LRBA: variants seen among roughly 807,000 people sequenced by gnomAD.
LRBA encodes lipopolysaccharide-responsive and beige-like anchor protein.
A neutral mutation model predicts 330.0 loss-of-function variants in LRBA; 176 were observed. That is an observed-to-expected ratio of 0.53 (90% CI 0.47 to 0.60). The LOEUF (loss-of-function observed/expected upper bound fraction) is 0.60, where lower values mean the gene tolerates loss of function less well. LRBA is among the 20% of genes least tolerant of loss of function. The pLI is 0.00. For missense variants in LRBA, 3,259 were observed against 3,444.8 expected (o/e 0.95, Z 1.35); for synonymous variants, 1,230 against 1,193.0 (o/e 1.03, Z -0.64).
In LRBA at chr4:150,868,237, T is replaced by C; in HGVS notation, c.2518A>G (p.Arg840Gly). The C allele has an allele frequency of 6.2e-7, 1 of 1,612,870 alleles. No individual in the cohort carries two copies. Among genetic ancestry groups the C allele is most frequent in the Non-Finnish European group, 8.5e-7 (1 of 1,179,006 alleles). Residue 840 changes from arginine to glycine, a missense_variant, in exon 21 of 57, where the codon AGA becomes GGA. By Grantham distance (125) the Arg-to-Gly change is moderately radical. Coordinates refer to ENST00000651943, the MANE Select transcript of LRBA (RefSeq NM_001364905.1). ...TTAATCATGTCAGAAAGAAAGGCTC[T>C]GCGAACCTCCATGCTCTCTGGGCAC... ...PQCPESMEVR[R>G]AFLSDMIKLF...
intron 37 of LRBA, among the ~76,000 whole-genome samples, chr4:150,626,077 T>C (rs1216144535): frequency 1.3e-5 from 2 of 152,052 alleles, no homozygotes; most frequent in African/African-American, 4.8e-5. Flanking sequence ...TCAAACGAAC[T>C]GGCCTGGATG....
chr4:150,705,341 T>C (rs753130620), intron 36 of LRBA, among the ~76,000 whole-genome samples: 47 of 152,086 alleles, frequency 3.1e-4, no homozygotes, highest in Non-Finnish European at 2.9e-4. Flanking sequence ...GGCAGATTTT[T>C]GAAAATGTGA....
At chr4:150,396,947 T>C (rs1442929216) in intron 47 of LRBA, among the ~76,000 whole-genome samples, 1 of 152,180 alleles carries the variant, frequency 6.6e-6, no homozygotes, top group Non-Finnish European at 1.5e-5. Flanking sequence ...GTTCCCACTT[T>C]CAAAACACAA....
intron 40 of LRBA, among the ~76,000 whole-genome samples, chr4:150,546,789 C>G (rs1448308114): frequency 6.6e-6 from 1 of 152,116 alleles, no homozygotes; most frequent in Non-Finnish European, 1.5e-5. Flanking sequence ...TTAACTACCC[C>G]AAAGGTGATA....
At chr4:151,014,399 T>C in intron 2 of LRBA, 28 bp downstream of exon 2, 1 of 1,567,194 alleles carries the variant, frequency 6.4e-7, no homozygotes, top group Non-Finnish European at 8.8e-7. Context: ...GAAAAGAGTA[T>C]ATGCTTATAA....
intron 22 of LRBA, among the ~76,000 whole-genome samples, chr4:150,863,034 A>G (rs1461889594): frequency 6.6e-6 from 1 of 152,040 alleles, no homozygotes; most frequent in Non-Finnish European, 1.5e-5. Flanking sequence ...TGTGTGGCTC[A>G]TGCTTATAAT....
rs114112519 is a variant in LRBA, at chr4:150,781,423, T to A, written c.5580+16658A>T. On this transcript the variant is annotated intron_variant, in intron 34 of 56. Coordinates refer to ENST00000651943, the MANE Select transcript of LRBA (RefSeq NM_001364905.1). Reference sequence around the variant, plus strand: ...TCTGATGAGATTCTAATGCCGCTGCTGATCTGACAGGAGGCGGAGCTCAGG... The same window carrying A: ...TCTGATGAGATTCTAATGCCGCTGCAGATCTGACAGGAGGCGGAGCTCAGG... Among the ~76,000 whole-genome samples, 698 of 152,300 alleles carry A rather than the reference T, an allele frequency of 4.6e-3. 6 individuals carry two copies. The highest frequency in any genetic ancestry group is 0.016 in the African/African-American group (667 of 41,582).
Position 150,633,880 on chromosome 4 carries a change from C to T in LRBA, c.5922-34749G>A, listed in dbSNP as rs556115216. Among the ~76,000 whole-genome samples, 259 of 152,224 alleles carry T rather than the reference C, an allele frequency of 1.7e-3. 1 individual carries two copies. Among genetic ancestry groups the T allele is most frequent in the African/African-American group, 5.3e-3 (220 of 41,548 alleles). The stretch of plus-strand genomic sequence containing the variant: ...CTGTAATCCCAGCACTTTGGGAGGC[C>T]GAGGTGGGTGGATCACCTGAGGTCA... On this transcript the variant is annotated intron_variant, in intron 37 of 56. Coordinates refer to ENST00000651943, the MANE Select transcript of LRBA (RefSeq NM_001364905.1).
At position 150,851,992 on chromosome 4, in the gene LRBA, T is replaced by C; in HGVS notation, c.3718A>G (p.Lys1240Glu). 1 of 1,614,134 alleles carries C rather than the reference T, an allele frequency of 6.2e-7. No individual in the cohort carries two copies. Among genetic ancestry groups the C allele is most frequent in the Non-Finnish European group, 8.5e-7 (1 of 1,180,004 alleles). ...TTGGAAACATCCAACTTCGCAATCT[T>C]TTGCTCAGAAGAAGCCTCAGAGACA... ...GSVSEASSEQ[K>E]IAKLDVSNVA... The change falls in exon 23 of 57, where the codon AAG becomes GAG. Residue 1240 changes from lysine (K) to glutamate (E), a missense_variant. Coordinates refer to ENST00000651943, the MANE Select transcript of LRBA (RefSeq NM_001364905.1).
intron 37 of LRBA, among the ~76,000 whole-genome samples, chr4:150,639,283 T>C (rs1239375731): frequency 7.6e-6 from 1 of 132,024 alleles, no homozygotes; most frequent in South Asian, 2.4e-4. Context: ...GTGGGTGCAG[T>C]GCACCAGCAT....
At chr4:150,727,595 AC>A (rs534546193) in intron 36 of LRBA, among the ~76,000 whole-genome samples, 55 of 152,306 alleles carry the variant, frequency 3.6e-4, no homozygotes, top group African/African-American at 1.3e-3. Flanking sequence ...TTGAAATTAA[AC>A]AATATGTTCC....
chr4:150,289,380 T>C (rs1332340188), intron 53 of LRBA, among the ~76,000 whole-genome samples: 1 of 152,148 alleles, frequency 6.6e-6, no homozygotes, highest in African/African-American at 2.4e-5. Context: ...TGCTAGGACT[T>C]TGGCTTCAAA....
At chr4:150,958,955 C>T (rs1285157971) in intron 2 of LRBA, among the ~76,000 whole-genome samples, 1 of 149,404 alleles carries the variant, frequency 6.7e-6, no homozygotes, top group Non-Finnish European at 1.5e-5. Flanking sequence ...GCCCTCCAAA[C>T]TGTTCCAACC....
intron 44 of LRBA, among the ~76,000 whole-genome samples, chr4:150,456,833 A>G (rs1321123164): frequency 6.6e-6 from 1 of 151,860 alleles, no homozygotes; most frequent in Non-Finnish European, 1.5e-5. Context: ...ATTCATTTTG[A>G]TTTGATTTTT....
chr4:150,927,996 A>G (rs1198657078), intron 4 of LRBA, among the ~76,000 whole-genome samples: 1 of 152,198 alleles, frequency 6.6e-6, no homozygotes, highest in African/African-American at 2.4e-5. Context: ...CTCCTCTTCA[A>G]TGGGACAGAT....
At chr4:150,488,766 AAT>A in intron 41 of LRBA, among the ~76,000 whole-genome samples, 1 of 149,082 alleles carries the variant, frequency 6.7e-6, no homozygotes, top group African/African-American at 2.5e-5. Flanking sequence ...CCAAAAAAAA[AAT>A]ATACCAATGT....
chr4:150,539,617 T>C (rs1453697662), intron 40 of LRBA, among the ~76,000 whole-genome samples: 3 of 152,244 alleles, frequency 2.0e-5, no homozygotes, highest in Non-Finnish European at 4.4e-5. Flanking sequence ...TTAAACAATA[T>C]ATCTGCTCTG....
chr4:150,686,053 C>T (rs1372573512), intron 36 of LRBA, among the ~76,000 whole-genome samples: 1 of 152,142 alleles, frequency 6.6e-6, no homozygotes, highest in African/African-American at 2.4e-5. Context: ...AACCAGGTTA[C>T]GGTATCACCC....
chr4:150,491,097 TC>T (rs1758887934), intron 40 of LRBA, 62 bp from the exon 41 acceptor site: 2 of 753,428 alleles, frequency 2.7e-6, no homozygotes, highest in Non-Finnish European at 4.2e-6. Flanking sequence ...GTTGTTTCTT[TC>T]CCCAATTAAA....
Sources: allele counts gnomAD v4.1 joint callset (sites outside exome capture counted in the v4.1 genomes callset), GRCh38; gene constraint gnomAD v4.1.1; transcripts MANE v1.5; gene names NCBI Gene and HGNC (gene_info 2026-07-23, HGNC 2026-07-21).